Variants in ROCK1 observed in about 807,000 individuals in gnomAD.
The protein encoded by ROCK1 is rho-associated protein kinase 1.
In ROCK1, 36 loss-of-function variants were observed where a neutral mutation model predicts 196.8. The observed-to-expected ratio is 0.18, with a 90% CI of 0.14 to 0.24. ROCK1 has a LOEUF of 0.24. ROCK1 is among the 10% of genes least tolerant of loss of function. ROCK1 has a pLI of 1.00. For missense variants in ROCK1, 920 were observed against 1,562.0 expected (o/e 0.59, Z 6.93); for synonymous variants, 443 against 515.9 (o/e 0.86, Z 1.91).
intron 9 of ROCK1, among the ~76,000 whole-genome samples, chr18:21,036,780 TTATTAA>T (rs1251361271): frequency 7.2e-5 from 11 of 152,252 alleles, no homozygotes; most frequent in African/African-American, 2.2e-4. Context: ...GCCCTATTCA[TTATTAA>T]TATTAATATG....
At position 21,111,122 on chromosome 18, in the gene ROCK1, G is replaced by C; in HGVS notation, c.-212C>G. 1 of 577,052 alleles carries C rather than the reference G, an allele frequency of 1.7e-6. No homozygotes were observed. The highest frequency in any genetic ancestry group is 3.1e-6 in the Non-Finnish European group (1 of 326,498). 35.7% of individuals were successfully genotyped at this position (577,052 alleles called of 1,614,324 possible). On this transcript the variant is annotated 5_prime_UTR_variant, in exon 1 of 33. Transcript: ENST00000399799. This position sits in a 1 kb window ranked among gnomAD's most constrained non-coding sequence, Gnocchi z 4.2. ...GGGCAACAGCGACCCACAGCCGCTC[G>C]GACGCCCAAAGTCGCATCCCACCCG... is the stretch of plus-strand genomic sequence containing the variant.
chr18:20,959,063 T>TATA (rs1568367312), intron 29 of ROCK1, among the ~76,000 whole-genome samples: 1 of 47,984 alleles, frequency 2.1e-5, no homozygotes, highest in African/African-American at 2.1e-4. Context: ...TATATTATAT[T>TATA]TTATATTATA....
chr18:20,988,719 C>G (rs1008301930), intron 18 of ROCK1, among the ~76,000 whole-genome samples: 6 of 152,090 alleles, frequency 3.9e-5, no homozygotes, highest in African/African-American at 1.5e-4. Context: ...TTCCTCAGAA[C>G]CCCCATCCAG....
chr18:20,972,649 G>C (rs577769782), intron 22 of ROCK1, among the ~76,000 whole-genome samples: 4 of 152,308 alleles, frequency 2.6e-5, no homozygotes, highest in African/African-American at 9.6e-5. Context: ...TTTCTCAAGA[G>C]AGTAATCAAC....
In ROCK1 at chr18:21,110,892, A is replaced by C; in HGVS notation, c.19T>G (p.Phe7Val). 6.2e-7 allele frequency: 1 copy of C among 1,614,048 alleles called. No individual in the cohort carries two copies. The highest frequency in any genetic ancestry group is 8.5e-7 in the Non-Finnish European group (1 of 1,179,934). The change falls in exon 1 of 33, where the codon TTT becomes GTT. Residue 7 changes from phenylalanine (F) to valine (V), a missense_variant. Physicochemically the swap from Phe to Val is conservative, Grantham distance 50. Transcript: ENST00000399799. MSTGDS[F>V]ETRFEKMDNL... ...TCCATTTTTTCAAATCGAGTCTCAA[A>C]ACTGTCCCCAGTCGACATGTTGCTG...
chr18:21,043,582 GTA>G (rs1202205920), intron 6 of ROCK1, among the ~76,000 whole-genome samples: 1 of 146,692 alleles, frequency 6.8e-6, no homozygotes, highest in African/African-American at 2.5e-5. Context: ...TAATGTATAT[GTA>G]TATACATATA....
intron 32 of ROCK1, among the ~76,000 whole-genome samples, chr18:20,952,311 G>A (rs1488524800): frequency 1.3e-5 from 2 of 152,246 alleles, no homozygotes; most frequent in Admixed American, 6.5e-5. Flanking sequence ...GAACCTGGGA[G>A]GCAGAGGTTG....
chr18:21,039,589 T>C (rs1313707226), intron 8 of ROCK1, 26 bp from the exon 9 acceptor site: 7 of 1,489,678 alleles, frequency 4.7e-6, no homozygotes, highest in South Asian at 1.1e-5. Flanking sequence ...AGGAGAAAAG[T>C]AATCAATCAT....
Position 20,953,766 on chromosome 18 carries a change from T to C in ROCK1, c.3873A>G (p.Ser1291=). The change falls in exon 32 of 33, where the codon TCA becomes TCG. Residue 1291 remains serine (S), a synonymous_variant. Transcript: ENST00000399799. The part of the protein sequence containing the change: ...CPCKVSYDVT[S]ARDMLLLACS... Reference sequence around the variant, plus strand: ...ATGCTAACAGCAGCATATCTCTTGCTGATGTTACATCATAACTTACTATGT... The same window carrying C: ...ATGCTAACAGCAGCATATCTCTTGCCGATGTTACATCATAACTTACTATGT... 1 of 1,444,376 alleles carries C rather than the reference T, an allele frequency of 6.9e-7. No individual in the cohort carries two copies. The allele number at this position is 1,444,376 out of a possible 1,614,324, so 89.5% of individuals were successfully genotyped here.
intron 14 of ROCK1, among the ~76,000 whole-genome samples, chr18:21,007,359 A>T (rs2035777238): frequency 6.6e-6 from 1 of 152,162 alleles, no homozygotes; most frequent in Admixed American, 6.5e-5. Flanking sequence ...GTATTTAAGG[A>T]GATGATTTAT....
intron 5 of ROCK1, among the ~76,000 whole-genome samples, chr18:21,044,655 A>G (rs544141999): frequency 1.6e-4 from 25 of 152,304 alleles, no homozygotes; most frequent in Admixed American, 1.2e-3. Flanking sequence ...CCTATTCACT[A>G]ATTAAAAGCA....
intron 9 of ROCK1, among the ~76,000 whole-genome samples, chr18:21,037,432 A>G (rs757552109): frequency 8.5e-5 from 13 of 152,222 alleles, no homozygotes; most frequent in African/African-American, 1.7e-4. Context: ...AAAAGGAATT[A>G]TAACTGTTAC....
At chr18:20,976,923 G>T (rs1298084855) in intron 22 of ROCK1, among the ~76,000 whole-genome samples, 1 of 152,114 alleles carries the variant, frequency 6.6e-6, no homozygotes. Flanking sequence ...AAACTTGGGA[G>T]TCAGCCTGAA....
At position 21,012,827 on chromosome 18, in the gene ROCK1, ATT is replaced by A. The variant is rs200393822; in HGVS notation, c.1410+2602_1410+2603del. Reference sequence around the variant, plus strand: ...AGGCTCTGTCACTTTTTTTCTGATCATTTTCTCTCTGTTGTTCAGACTGCATA... The same window carrying A: ...AGGCTCTGTCACTTTTTTTCTGATCATTCTCTCTGTTGTTCAGACTGCATA... On this transcript the variant is annotated intron_variant, in intron 13 of 32. Transcript: ENST00000399799. Among the ~76,000 whole-genome samples the A allele has an allele frequency of 9.4e-3, 1,423 of 151,526 alleles. 17 individuals are homozygous for A. The highest frequency in any genetic ancestry group is 0.033 in the African/African-American group (1,369 of 41,280).
chr18:21,068,771 G>A (rs1359006215), intron 2 of ROCK1, among the ~76,000 whole-genome samples: 1 of 152,082 alleles, frequency 6.6e-6, no homozygotes, highest in Admixed American at 6.5e-5. Context: ...CCAATTGCTT[G>A]TTGTTAATAA....
At chr18:21,085,905 C>T (rs1257943497) in intron 1 of ROCK1, among the ~76,000 whole-genome samples, 2 of 152,102 alleles carry the variant, frequency 1.3e-5, no homozygotes, top group Non-Finnish European at 1.5e-5. Context: ...GGATTTCCTC[C>T]CTACTGCCTT....
At chr18:21,007,961 G>A (rs932045031) in intron 14 of ROCK1, 98 bp downstream of exon 14, 4 of 792,366 alleles carry the variant, frequency 5.0e-6, no homozygotes, top group Admixed American at 3.9e-5. Flanking sequence ...AGTGTCTTAG[G>A]ATTGTAGCTT....
In ROCK1 at chr18:20,984,352, T is replaced by C. The variant is rs923558041; in HGVS notation, c.2488A>G (p.Lys830Glu). ...CACAATGTTATTTTAAAGACTTACT[T>C]CGTAAGCTGAGCTAACTCAAATTCT... ...LLEFELAQLT[K>E]QYRGNEGQMR... The change falls in exon 20 of 33, where the codon AAA (lysine) becomes GAA (glutamate). Residue 830 changes from lysine to glutamate, a missense_variant and splice_region_variant. By Grantham distance (56) the Lys-to-Glu change is moderately conservative. This residue lies in a region of ROCK1 where 520 missense variants were observed against 657.1 expected (regional missense o/e 0.79). Coordinates refer to ENST00000399799, the MANE Select transcript of ROCK1 (RefSeq NM_005406.3). 1 of 1,594,534 alleles carries C rather than the reference T, an allele frequency of 6.3e-7. No individual in the cohort carries two copies. The highest frequency in any genetic ancestry group is 8.5e-7 in the Non-Finnish European group (1 of 1,170,420).
chr18:21,042,281 T>G (rs776950925), intron 7 of ROCK1, 46 bp from the exon 8 acceptor site: 1 of 1,497,044 alleles, frequency 6.7e-7, no homozygotes, highest in South Asian at 1.3e-5. Context: ...AATACATTTT[T>G]AAAAAGTCAG....
Sources: gnomAD v4.1 joint callset for allele counts (sites outside exome capture counted in the v4.1 genomes callset) on GRCh38, gnomAD v4.1.1 for gene constraint, gnomAD v4.1.1 regional missense constraint, Gnocchi (gnomAD v3.1) non-coding constraint, MANE v1.5 for transcripts, NCBI Gene and HGNC (gene_info 2026-07-23, HGNC 2026-07-21) for gene names.